Variants in ABCA13 observed in about 807,000 individuals in gnomAD.
ABCA13 encodes ATP binding cassette subfamily A member 13.
Under a neutral mutation model 478.7 loss-of-function variants are expected in ABCA13, and 476 were observed. The ratio of observed to expected loss-of-function variants is 0.99; its 90% CI spans 0.92 to 1.07. ABCA13 has a LOEUF of 1.07. Among genes scored for constraint, ABCA13 ranks in the 50% least tolerant of loss-of-function variants. The pLI is 0.00. For missense variants in ABCA13, 6,060 were observed against 5,910.6 expected, an observed-to-expected ratio of 1.03 and a Z score of -0.83; for synonymous variants, 2,252 against 2,158.9, an observed-to-expected ratio of 1.04 and a Z score of -1.20.
At chr7:48,388,964 G>A (rs1224655336) in intron 36 of ABCA13, 76 bp from the exon 37 acceptor site, 1 of 1,500,838 alleles carries the variant, frequency 6.7e-7, no homozygotes, top group African/African-American at 1.4e-5. Flanking sequence ...AAAGCAGAAT[G>A]CTGAATTAAT....
intron 35 of ABCA13, among the ~76,000 whole-genome samples, chr7:48,384,451 G>A (rs1234751136): frequency 6.6e-6 from 1 of 152,206 alleles, no homozygotes; most frequent in Non-Finnish European, 1.5e-5. Flanking sequence ...TCAGCTGCGC[G>A]TCACTGGGCA....
chr7:48,223,890 C>T (rs1352635941), intron 5 of ABCA13, among the ~76,000 whole-genome samples: 4 of 143,678 alleles, frequency 2.8e-5, no homozygotes, highest in South Asian at 2.2e-4. Flanking sequence ...ACCTGGGAGG[C>T]GGAGGTTGCA....
In ABCA13 at chr7:48,481,211, T is replaced by C. The variant is rs1363334117; in HGVS notation, c.13094+57T>C. 1.4e-5 allele frequency: 19 copies of C among 1,345,396 alleles called. No homozygotes were observed. In the African/African-American group the frequency reaches 1.8e-4, roughly 12 times the overall value. 83.3% of individuals were successfully genotyped at this position (1,345,396 alleles called of 1,614,324 possible). A position where few individuals can be genotyped will look rare whatever the true frequency, so the allele number is the denominator to read the frequency against. On this transcript the variant is annotated intron_variant, in intron 46 of 61. Transcript: ENST00000435803. The stretch of plus-strand genomic sequence containing the variant: ...TGTTTGGATTACTATGGAAAACTTA[T>C]TGTTTTAAATGCTAATGTTCTTAAA...
intron 29 of ABCA13, among the ~76,000 whole-genome samples, chr7:48,347,278 A>G (rs961897157): frequency 3.9e-5 from 6 of 152,248 alleles, no homozygotes; most frequent in African/African-American, 1.4e-4. Context: ...ATACTGAAAC[A>G]AATGAGTAGA....
intron 55 of ABCA13, among the ~76,000 whole-genome samples, chr7:48,575,909 A>G (rs532459859): frequency 1.3e-5 from 2 of 152,294 alleles, no homozygotes; most frequent in East Asian, 3.9e-4. Context: ...CCATGGGTTC[A>G]TATCCATGGA....
chr7:48,472,647 G>A (rs77317226), intron 45 of ABCA13, among the ~76,000 whole-genome samples: 1,618 of 152,142 alleles, frequency 0.011, 30 homozygotes, highest in African/African-American at 0.036. Flanking sequence ...TCAAAAAAGC[G>A]TTGTCATTTT....
intron 7 of ABCA13, among the ~76,000 whole-genome samples, chr7:48,231,350 A>C (rs1455080179): frequency 6.6e-6 from 1 of 152,156 alleles, no homozygotes; most frequent in Non-Finnish European, 1.5e-5. Flanking sequence ...GTTGGAGTTT[A>C]TCAAAGAGAT....
rs778044304 is a variant in ABCA13, at chr7:48,309,947, G to T, written c.9322G>T (p.Val3108Phe). The T allele has an allele frequency of 6.2e-7, 1 of 1,613,802 alleles. No homozygotes were observed. Among genetic ancestry groups the T allele is most frequent in the Non-Finnish European group, 8.5e-7 (1 of 1,179,764 alleles). ...CTCTAATCTCTGTGCTTTGAAACAG[G>T]TTCTCTTCAGTGCCCTCACCGTAGC... ...ILEANISHSKVLFSALTVALS... is the reference protein window; with the variant it reads ...ILEANISHSKFLFSALTVALS... Residue 3108 changes from valine to phenylalanine, a missense_variant and splice_region_variant, in exon 24 of 62, where the codon GTT becomes TTT. By Grantham distance (50) the Val-to-Phe change is conservative. This residue lies in a region of ABCA13 where 4,423 missense variants were observed against 4,309.1 expected (regional missense o/e 1.03). Coordinates refer to ENST00000435803, the MANE Select transcript of ABCA13 (RefSeq NM_152701.5).
intron 45 of ABCA13, among the ~76,000 whole-genome samples, chr7:48,477,286 T>C (rs1445253154): frequency 1.3e-5 from 2 of 152,156 alleles, no homozygotes; most frequent in East Asian, 3.9e-4. Context: ...TTTTACACTG[T>C]TGGTGGGACT....
At chr7:48,491,742 G>A (rs1011106217) in intron 48 of ABCA13, among the ~76,000 whole-genome samples, 7 of 152,170 alleles carry the variant, frequency 4.6e-5, no homozygotes, top group African/African-American at 1.4e-4. Context: ...GAACTCCCAC[G>A]AGCAGGGTTC....
At chr7:48,290,379 A>G (rs1266372967) in intron 20 of ABCA13, among the ~76,000 whole-genome samples, 1 of 152,172 alleles carries the variant, frequency 6.6e-6, no homozygotes, top group Non-Finnish European at 1.5e-5. Context: ...TAGCCGGAGA[A>G]GGAGAGTCTG....
At chr7:48,607,375 C>G (rs1791578640) in intron 58 of ABCA13, among the ~76,000 whole-genome samples, 1 of 151,976 alleles carries the variant, frequency 6.6e-6, no homozygotes, top group Admixed American at 6.6e-5. Context: ...GGGCTGCACC[C>G]ACTGTCCAAC....
At chr7:48,429,426 C>G (rs1486359998) in intron 42 of ABCA13, among the ~76,000 whole-genome samples, 2 of 152,176 alleles carry the variant, frequency 1.3e-5, no homozygotes, top group African/African-American at 4.8e-5. Flanking sequence ...TTCTCCCAAC[C>G]CTTGTTATTA....
intron 55 of ABCA13, among the ~76,000 whole-genome samples, chr7:48,550,265 C>CTTTTTTT (rs57540403): frequency 2.0e-5 from 3 of 148,330 alleles, no homozygotes; most frequent in East Asian, 2.0e-4. Flanking sequence ...CTCTATTTTT[C>CTTTTTTT]TTTTTTTTGG....
At chr7:48,620,939 G>A (rs1793073697) in intron 59 of ABCA13, among the ~76,000 whole-genome samples, 1 of 152,116 alleles carries the variant, frequency 6.6e-6, no homozygotes, top group Non-Finnish European at 1.5e-5. Context: ...TTCAGTCTTA[G>A]TACAGCCCTA....
At chr7:48,537,870 G>T (rs1431026405) in intron 55 of ABCA13, among the ~76,000 whole-genome samples, 1 of 151,952 alleles carries the variant, frequency 6.6e-6, no homozygotes, top group Non-Finnish European at 1.5e-5. Context: ...TACAACTGGT[G>T]GGGAGGTTGT....
At position 48,456,584 on chromosome 7, in the gene ABCA13, C is replaced by G. The variant is rs56875653; in HGVS notation, c.12815+1298C>G. Among the ~76,000 whole-genome samples the G allele has an allele frequency of 6.2e-3, 946 of 152,260 alleles. 13 individuals are homozygous for G. The highest frequency in any genetic ancestry group is 0.022 in the African/African-American group (911 of 41,550). On this transcript the variant is annotated intron_variant, in intron 43 of 61. Transcript: ENST00000435803. ...TATACATAATACTTGTATCTACATG[C>G]ATTTGTATTTGTTATCACAATGAGA...
intron 55 of ABCA13, among the ~76,000 whole-genome samples, chr7:48,555,005 G>A (rs1785665989): frequency 6.6e-6 from 1 of 151,296 alleles, no homozygotes; most frequent in East Asian, 1.9e-4. Flanking sequence ...ATTATGTTAA[G>A]GGATGTTCCC....
Position 48,314,355 on chromosome 7 carries a change from G to A in ABCA13, c.9805G>A (p.Val3269Ile), listed in dbSNP as rs768876349. 6 of 1,610,694 alleles carry A rather than the reference G, an allele frequency of 3.7e-6. No individual in the cohort carries two copies. The highest frequency in any genetic ancestry group is 5.1e-6 in the Non-Finnish European group (6 of 1,178,072). The stretch of plus-strand genomic sequence containing the variant: ...TAATATGTTTATTAATTTGCCCAGA[G>A]TTAAGGAACTCTTGGAAGATGACAA... ...DSNMFINLPR[V>I]KELLEDDKEK... Residue 3269 changes from valine to isoleucine, a missense_variant, in exon 26 of 62, where the codon GTT (valine) becomes ATT (isoleucine). Physicochemically the swap from Val to Ile is conservative, Grantham distance 29 (BLOSUM62 3). Transcript: ENST00000435803.
Sources: gnomAD v4.1 joint callset for allele counts (sites outside exome capture counted in the v4.1 genomes callset) on GRCh38, gnomAD v4.1.1 for gene constraint, gnomAD v4.1.1 regional missense constraint, MANE v1.5 for transcripts, NCBI Gene and HGNC (gene_info 2026-07-23, HGNC 2026-07-21) for gene names.